Variants in MAP3K3 observed in about 807,000 individuals in gnomAD.
MAP3K3 encodes the protein MAP/ERK kinase kinase 3.
MAP3K3 carries 12 observed loss-of-function variants against 80.9 expected under a neutral mutation model. The ratio of observed to expected loss-of-function variants is 0.15; its 90% CI spans 0.10 to 0.24. MAP3K3 has a LOEUF of 0.24. Among genes scored for constraint, MAP3K3 ranks in the 10% least tolerant of loss-of-function variants. The probability of loss-of-function intolerance (pLI) is 1.00; values close to 1 mark genes in which losing one functional copy is unlikely to be tolerated. For synonymous variants in MAP3K3, 272 were observed against 307.1 expected (o/e 0.89, Z 1.19); for missense variants, 596 against 834.7 (o/e 0.71, Z 3.52).
chr17:63,638,222 G>A (rs1295807285), intron 2 of MAP3K3, among the ~76,000 whole-genome samples: 1 of 151,854 alleles, frequency 6.6e-6, no homozygotes, highest in Non-Finnish European at 1.5e-5. Flanking sequence ...TTTAATTTTT[G>A]TTGTATTTTT....
intron 11 of MAP3K3, 28 bp from the exon 12 acceptor site, chr17:63,690,236 G>A: frequency 6.2e-7 from 1 of 1,606,256 alleles, no homozygotes. Context: ...TGTACACAAA[G>A]TAACTCTTTC....
intron 6 of MAP3K3, among the ~76,000 whole-genome samples, chr17:63,677,159 A>C (rs1397304085): frequency 6.6e-6 from 1 of 152,214 alleles, no homozygotes; most frequent in Non-Finnish European, 1.5e-5. Context: ...AGTTCTCCCC[A>C]TTTTTGCAGT....
At chr17:63,685,473 A>G (rs909890847) in intron 7 of MAP3K3, 44 bp from the exon 8 acceptor site, 5 of 1,489,924 alleles carry the variant, frequency 3.4e-6, no homozygotes, top group Non-Finnish European at 4.7e-6. Context: ...ACTGGGGGGA[A>G]TTGGGGCTGG....
chr17:63,625,998 G>C lies in MAP3K3; in HGVS notation c.4+3235G>C, dbSNP rs555343831. Reference sequence around the variant, plus strand: ...CGAGGTGGGAAGATCATCTGAGCCTGGGAGGTTGAGGCTGCAGTGAACCAT... The same window carrying C: ...CGAGGTGGGAAGATCATCTGAGCCTCGGAGGTTGAGGCTGCAGTGAACCAT... On this transcript the variant is annotated intron_variant, in intron 1 of 15. Transcript: ENST00000361733. Among the ~76,000 whole-genome samples, 6 of 152,240 alleles carry C rather than the reference G, an allele frequency of 3.9e-5. No homozygotes were observed. The East Asian group carries it at 1.2e-3, about 29-fold the overall frequency.
At chr17:63,644,359 T>C (rs752889540) in intron 2 of MAP3K3, among the ~76,000 whole-genome samples, 1 of 152,032 alleles carries the variant, frequency 6.6e-6, no homozygotes, top group Non-Finnish European at 1.5e-5. Context: ...GGATTACAGG[T>C]GTGCGCCATT....
chr17:63,693,756 C>G lies in MAP3K3; in HGVS notation c.1860C>G (p.His620Gln). ...CAGCTGAGGAGCTGCTCACACACCA[C>G]TTTGCACAGCTCATGTACTGAGCTC... is the stretch of plus-strand genomic sequence containing the variant. ...RPSAEELLTH[H>Q]FAQLMY is the part of the protein sequence containing the mutation. The change falls in exon 16 of 16, where the codon CAC (histidine) becomes CAG (glutamine). Residue 620 changes from histidine to glutamine, a missense_variant. Around this residue, in one of 2 missense-constraint regions of MAP3K3, gnomAD observed 364 missense variants for 588.9 expected, o/e 0.62. Transcript: ENST00000361733. The surrounding 1 kb of genome is among the most constrained non-coding windows in gnomAD (Gnocchi z 4.2). 1.2e-6 allele frequency: 2 copies of G among 1,602,072 alleles called. No homozygotes were observed. Among genetic ancestry groups the G allele is most frequent in the South Asian group, 1.1e-5 (1 of 89,900 alleles).
At chr17:63,664,086 C>CAA (rs796433141) in intron 5 of MAP3K3, among the ~76,000 whole-genome samples, 2 of 140,600 alleles carry the variant, frequency 1.4e-5, no homozygotes, top group Admixed American at 7.1e-5. Flanking sequence ...ACTAAAAATA[C>CAA]AAAAAAAAAA....
In MAP3K3 at chr17:63,694,016, G is replaced by C. The variant is rs1462656543; in HGVS notation, c.*239G>C. The C allele has an allele frequency of 2.1e-6, 1 of 487,730 alleles. No individual in the cohort carries two copies. The highest frequency in any genetic ancestry group is 4.1e-5 in the Admixed American group (1 of 24,638). The allele number at this position is 487,730 out of a possible 1,614,324, so 30.2% of individuals were successfully genotyped here. A position where few individuals can be genotyped will look rare whatever the true frequency, so the allele number is the denominator to read the frequency against. On this transcript the variant is annotated 3_prime_UTR_variant, in exon 16 of 16. Transcript: ENST00000361733. ...CAGGAGCTCCAGTGTCCTGAGCTCA[G>C]CGTGGAGGGGTAGGGGCTGGGAACA...
chr17:63,630,219 T>C (rs1165297628), intron 1 of MAP3K3, among the ~76,000 whole-genome samples: 1 of 152,168 alleles, frequency 6.6e-6, no homozygotes, highest in Non-Finnish European at 1.5e-5. Context: ...ATCTAAGCCA[T>C]TTAATATATA....
chr17:63,662,625 T>G (rs936321995), intron 5 of MAP3K3, among the ~76,000 whole-genome samples: 3 of 150,850 alleles, frequency 2.0e-5, no homozygotes, highest in Non-Finnish European at 4.4e-5. Flanking sequence ...GTCTAGTGCC[T>G]GTCAGTCACC....
At position 63,691,003 on chromosome 17, in the gene MAP3K3, A is replaced by G; in HGVS notation, c.1213-99A>G. The G allele has an allele frequency of 6.9e-7, 1 of 1,446,894 alleles. No individual in the cohort carries two copies. The highest frequency in any genetic ancestry group is 9.5e-7 in the Non-Finnish European group (1 of 1,048,310). 89.6% of individuals were successfully genotyped at this position (1,446,894 alleles called of 1,614,324 possible). A position where few individuals can be genotyped will look rare whatever the true frequency, so the allele number is the denominator to read the frequency against. On this transcript the variant is annotated intron_variant, in intron 12 of 15. Transcript: ENST00000361733. The surrounding 1 kb of genome is among the most constrained non-coding windows in gnomAD (Gnocchi z 4.8). ...TTTCTCCAACTGCAGTTCCCAAGGC[A>G]GATCCCTGTGAGGCCACTAACTAGG...
At chr17:63,673,709 A>G (rs11658740) in intron 6 of MAP3K3, among the ~76,000 whole-genome samples, 43,868 of 151,892 alleles carry the variant, frequency 0.29, 6,890 homozygotes, top group African/African-American at 0.4. Flanking sequence ...ATGGGAGTTC[A>G]AGACCAGCCT....
Position 63,632,806 on chromosome 17 carries a change from T to C in MAP3K3, c.126+4T>C, listed in dbSNP as rs56394992. 1.2e-3 allele frequency: 1,927 copies of C among 1,613,806 alleles called. 35 individuals carry two copies. The East Asian group carries it at 0.039, about 32-fold the overall frequency. On this transcript the variant is annotated splice_donor_region_variant and intron_variant, in intron 2 of 15. Transcript: ENST00000361733. ...CACAGGTCACTCAAATAGGCAGGTG[T>C]GTGTGACCCTGGCAGAGCTAAGTGA...
At chr17:63,679,917 G>A (rs2035296466) in intron 6 of MAP3K3, among the ~76,000 whole-genome samples, 1 of 152,178 alleles carries the variant, frequency 6.6e-6, no homozygotes. Flanking sequence ...CAAGAAAGGA[G>A]AGAAGCCAGG....
At chr17:63,666,010 C>T (rs1240529496) in intron 5 of MAP3K3, among the ~76,000 whole-genome samples, 1 of 152,162 alleles carries the variant, frequency 6.6e-6, no homozygotes, top group Non-Finnish European at 1.5e-5. Flanking sequence ...CCGACTCTCA[C>T]CAGTGCCCTG....
intron 8 of MAP3K3, 27 bp from the exon 9 acceptor site, chr17:63,688,500 T>G: frequency 6.3e-7 from 1 of 1,595,684 alleles, no homozygotes; most frequent in Non-Finnish European, 8.6e-7. Flanking sequence ...TGTGCGGGAG[T>G]CTGTTTTTTC....
intron 3 of MAP3K3, among the ~76,000 whole-genome samples, chr17:63,652,041 A>G (rs190303630): frequency 2.0e-5 from 3 of 151,392 alleles, no homozygotes; most frequent in Admixed American, 1.3e-4. Context: ...TTCAACTTTT[A>G]TTTAAGTTCT....
intron 2 of MAP3K3, among the ~76,000 whole-genome samples, chr17:63,642,613 G>A (rs891374782): frequency 9.9e-5 from 15 of 151,892 alleles, no homozygotes; most frequent in East Asian, 5.8e-4. Context: ...AGCCGAGATC[G>A]CGCCACTGCA....
chr17:63,688,218 C>A (rs532336978), intron 8 of MAP3K3: 3 of 454,668 alleles, frequency 6.6e-6, no homozygotes, highest in East Asian at 8.7e-5. Context: ...GCAAAGGATT[C>A]TCTTGGAGCT....
Sources: allele counts gnomAD v4.1 joint callset (sites outside exome capture counted in the v4.1 genomes callset), GRCh38; gene constraint gnomAD v4.1.1; regional missense constraint gnomAD v4.1.1; non-coding constraint Gnocchi (gnomAD v3.1); transcripts MANE v1.5; gene names NCBI Gene and HGNC (gene_info 2026-07-23, HGNC 2026-07-21).